Variants in ASIC2 observed in about 807,000 individuals in gnomAD.
The protein encoded by ASIC2 is acid-sensing ion channel 2.
Under a neutral mutation model 57.3 loss-of-function variants are expected in ASIC2, and 25 were observed. That is an observed-to-expected ratio of 0.44 (90% CI 0.32 to 0.61). ASIC2 has a LOEUF of 0.61. ASIC2 is among the 20% of genes least tolerant of loss of function. The probability of loss-of-function intolerance (pLI) is 0.06; values close to 1 mark genes in which losing one functional copy is unlikely to be tolerated. For synonymous variants in ASIC2, 319 were observed against 307.5 expected, an observed-to-expected ratio of 1.04 and a Z score of -0.39; for missense variants, 641 against 738.1, an observed-to-expected ratio of 0.87 and a Z score of 1.52.
chr17:33,958,344 C>T (rs933024220), intron 1 of ASIC2, among the ~76,000 whole-genome samples: 6 of 152,220 alleles, frequency 3.9e-5, no homozygotes, highest in African/African-American at 1.4e-4. Context: ...GGTCTAACCT[C>T]ACACTTCCCT....
At chr17:33,754,888 G>A (rs576570944) in intron 1 of ASIC2, among the ~76,000 whole-genome samples, 1 of 146,242 alleles carries the variant, frequency 6.8e-6, no homozygotes, top group African/African-American at 2.5e-5. Context: ...AACCTGGGAG[G>A]CAGAGCTTGC....
intron 1 of ASIC2, among the ~76,000 whole-genome samples, chr17:33,395,790 C>T (rs1910055446): frequency 6.6e-6 from 1 of 152,048 alleles, no homozygotes. Context: ...TGTGATTTTC[C>T]CATGAGATGC....
rs34143186 is a variant in ASIC2 at position 33,160,206 on chromosome 17, TAA to T, written c.709-48141_709-48140del. Among the ~76,000 whole-genome samples the T allele has an allele frequency of 8.3e-4, 107 of 129,668 alleles. 1 individual carries two copies. The highest frequency in any genetic ancestry group is 1.1e-3 in the Non-Finnish European group (59 of 55,460). 85.1% of individuals were successfully genotyped at this position (129,668 alleles called of 152,430 possible). ...CCTGGGTGACAGAGAGAGACCCTGT[TAA>T]AAAAAAAAAAGAAAAGAAAAGAAAA... On this transcript the variant is annotated intron_variant, in intron 1 of 9. Transcript: ENST00000225823.
chr17:33,473,211 T>C (rs2141921008), intron 1 of ASIC2, among the ~76,000 whole-genome samples: 1 of 152,384 alleles, frequency 6.6e-6, no homozygotes, highest in South Asian at 2.1e-4. Context: ...TGGGGGACTA[T>C]GGCATAATAT....
Position 33,670,958 on chromosome 17 carries a change from C to A in ASIC2, c.555+485020G>T, listed in dbSNP as rs1907620467. Among the ~76,000 whole-genome samples the A allele has an allele frequency of 3.3e-5, 5 of 152,180 alleles. No individual in the cohort carries two copies. The South Asian group carries it at 1.0e-3, about 31-fold the overall frequency. On this transcript the variant is annotated intron_variant, in intron 1 of 9. Transcript: ENST00000359872. ...CTTTTTTTGGGCTTTGCCTCTGGAG[C>A]TGTCAGATTTCCTGTTCCTTCATCT...
At chr17:33,880,527 A>G (rs1914672438) in intron 1 of ASIC2, among the ~76,000 whole-genome samples, 2 of 152,060 alleles carry the variant, frequency 1.3e-5, no homozygotes, top group African/African-American at 2.4e-5. Flanking sequence ...TAAATTCCTC[A>G]ACACATACAC....
chr17:33,138,477 C>A (rs1448611189), intron 1 of ASIC2, among the ~76,000 whole-genome samples: 1 of 152,198 alleles, frequency 6.6e-6, no homozygotes, highest in Non-Finnish European at 1.5e-5. Context: ...AACACACATC[C>A]CTTGCTCACT....
At chr17:34,115,008 G>A (rs1297124112) in intron 1 of ASIC2, among the ~76,000 whole-genome samples, 1 of 152,194 alleles carries the variant, frequency 6.6e-6, no homozygotes, top group African/African-American at 2.4e-5. Context: ...ACTTGGAACA[G>A]AGAAACAACT....
intron 1 of ASIC2, among the ~76,000 whole-genome samples, chr17:33,549,956 A>G (rs1915695821): frequency 6.6e-6 from 1 of 152,200 alleles, no homozygotes; most frequent in Non-Finnish European, 1.5e-5. Context: ...GCCTTGAGCC[A>G]GAGGCCTGGA....
intron 1 of ASIC2, among the ~76,000 whole-genome samples, chr17:33,210,385 T>C (rs1907223846): frequency 2.0e-5 from 3 of 152,168 alleles, no homozygotes; most frequent in Non-Finnish European, 2.9e-5. Context: ...CCTTCTAAAT[T>C]GTGTGCATCA....
At chr17:33,889,447 A>C (rs1185658057) in intron 1 of ASIC2, among the ~76,000 whole-genome samples, 2 of 152,204 alleles carry the variant, frequency 1.3e-5, no homozygotes, top group Non-Finnish European at 2.9e-5. Flanking sequence ...TTACTGTGAA[A>C]GATAATTCTT....
At chr17:33,799,439 T>TTCCTTCC (rs1383734169) in intron 1 of ASIC2, among the ~76,000 whole-genome samples, 76 of 59,120 alleles carry the variant, frequency 1.3e-3, no homozygotes, top group African/African-American at 4.6e-3. Flanking sequence ...TCTTTCTTTC[T>TTCCTTCC]TTCTTTCTTT....
intron 1 of ASIC2, among the ~76,000 whole-genome samples, chr17:33,859,965 T>C (rs80102977): frequency 0.028 from 4,284 of 152,262 alleles, 204 homozygotes; most frequent in African/African-American, 0.097. Flanking sequence ...ATTACAGGCA[T>C]GAGACACCAC....
chr17:33,345,994 A>G (rs1907926600), intron 1 of ASIC2, among the ~76,000 whole-genome samples: 1 of 152,090 alleles, frequency 6.6e-6, no homozygotes, highest in Non-Finnish European at 1.5e-5. Context: ...TGTGAGGCCA[A>G]GGTAGGAGAA....
intron 1 of ASIC2, among the ~76,000 whole-genome samples, chr17:34,027,186 C>A (rs75268443): frequency 3.8e-3 from 585 of 152,346 alleles, no homozygotes; most frequent in Non-Finnish European, 6.3e-3. Context: ...AATCTGCTCA[C>A]TGGGTTTCCC....
Position 33,194,224 on chromosome 17 carries a change from G to A in ASIC2, c.709-82157C>T, listed in dbSNP as rs147254965. 1.0e-3 allele frequency among the ~76,000 whole-genome samples: 152 copies of A among 152,260 alleles called. No individual in the cohort carries two copies. In the East Asian group the frequency reaches 0.01, roughly 10 times the overall value. On this transcript the variant is annotated intron_variant, in intron 1 of 9. Transcript: ENST00000225823. ...AATTATTGCTTTCACTTTTCTGCAC[G>A]CTAAAAAGCTCCTTGTTTTTCAAGG...
intron 1 of ASIC2, among the ~76,000 whole-genome samples, chr17:33,839,485 C>T (rs1402262553): frequency 1.3e-5 from 2 of 152,168 alleles, no homozygotes; most frequent in Admixed American, 6.5e-5. Context: ...CTCCCAGCCC[C>T]AAACTCACCC....
intron 1 of ASIC2, among the ~76,000 whole-genome samples, chr17:33,755,191 G>T (rs1910558125): frequency 6.6e-6 from 1 of 152,158 alleles, no homozygotes; most frequent in Non-Finnish European, 1.5e-5. Context: ...GAAGAGATCA[G>T]GGTGAGGTGG....
chr17:33,325,548 C>T (rs1907040953), intron 1 of ASIC2, among the ~76,000 whole-genome samples: 1 of 152,092 alleles, frequency 6.6e-6, no homozygotes, highest in African/African-American at 2.4e-5. Flanking sequence ...GGAATGCAGT[C>T]AACATCAAGA....
Sources: gnomAD v4.1 joint callset for allele counts (sites outside exome capture counted in the v4.1 genomes callset) on GRCh38, gnomAD v4.1.1 for gene constraint, MANE v1.5 for transcripts, NCBI Gene and HGNC (gene_info 2026-07-23, HGNC 2026-07-21) for gene names.